CCDC142: variants seen among roughly 807,000 people sequenced by gnomAD.
CCDC142 encodes coiled-coil domain containing 142.
Under a neutral mutation model 83.8 loss-of-function variants are expected in CCDC142, and 67 were observed. That is an observed-to-expected ratio of 0.80 (90% CI 0.66 to 0.98). CCDC142 has a LOEUF of 0.98. CCDC142 is among the 50% of genes least tolerant of loss of function. The pLI is 0.00. For synonymous variants in CCDC142, 421 were observed against 421.2 expected, an observed-to-expected ratio of 1.00 and a Z score of 0.01; for missense variants, 905 against 946.8, an observed-to-expected ratio of 0.96 and a Z score of 0.58.
At position 74,474,709 on chromosome 2, in the gene CCDC142, G is replaced by A. The variant is rs116238920; in HGVS notation, c.2090C>T (p.Pro697Leu). Reference protein sequence around the residue: ...LEPPLQPGTSPAQTGQLQSTL... With the variant: ...LEPPLQPGTSLAQTGQLQSTL... The stretch of plus-strand genomic sequence containing the variant: ...GCTTTGCAGCTGACCTGTCTGGGCT[G>A]GAGATGTTCCAGGCTGGAGCGGGGG... Residue 697 changes from proline (P) to leucine (L), a missense_variant, in exon 9 of 9, where the codon CCA becomes CTA. Physicochemically the swap from Pro to Leu is moderately conservative, Grantham distance 98 (BLOSUM62 -3). This residue lies in a region of CCDC142 where 265 missense variants were observed against 288.9 expected (regional missense o/e 0.92). Coordinates refer to ENST00000393965, the MANE Select transcript of CCDC142 (RefSeq NM_001365575.2). 26,685 of 1,614,176 alleles carry A rather than the reference G, an allele frequency of 0.017. 299 individuals are homozygous for A. The highest frequency in any genetic ancestry group is 0.018 in the Non-Finnish European group (21,732 of 1,180,008).
Position 74,480,855 on chromosome 2 carries a change from A to G in CCDC142, c.1417T>C (p.Tyr473His). Reference sequence around the variant, plus strand: ...AAGCTTTCCTCTGAGGCCAGGCTATACAAAGCTTCTGCCTCATGCAACAGA... The same window carrying G: ...AAGCTTTCCTCTGAGGCCAGGCTATGCAAAGCTTCTGCCTCATGCAACAGA... ...PPLLHEAEAL[Y>H]SLASEESLAL... Residue 473 changes from tyrosine to histidine, a missense_variant, in exon 5 of 9, where the codon TAT (tyrosine) becomes CAT (histidine). Coordinates refer to ENST00000393965, the MANE Select transcript of CCDC142 (RefSeq NM_001365575.2). 1 of 1,613,992 alleles carries G rather than the reference A, an allele frequency of 6.2e-7. No individual in the cohort carries two copies. Among genetic ancestry groups the G allele is most frequent in the South Asian group, 1.1e-5 (1 of 91,076 alleles).
intron 5 of CCDC142, among the ~76,000 whole-genome samples, chr2:74,479,620 C>G (rs1234286692): frequency 6.6e-6 from 1 of 152,182 alleles, no homozygotes; most frequent in Non-Finnish European, 1.5e-5. Flanking sequence ...GACAGGGTCT[C>G]TCACTGTATT....
Position 74,482,951 on chromosome 2 carries a change from C to A in CCDC142, c.-114G>T, listed in dbSNP as rs1672592516. 10 of 1,555,260 alleles carry A rather than the reference C, an allele frequency of 6.4e-6. No individual in the cohort carries two copies. In the South Asian group the frequency reaches 9.2e-5, roughly 14 times the overall value. On this transcript the variant is annotated 5_prime_UTR_variant, in exon 1 of 9. Transcript: ENST00000393965. The surrounding 1 kb of genome is among the most constrained non-coding windows in gnomAD (Gnocchi z 5.0). ...GAGCCGTTTTCTCCAGTCCGGGAGT[C>A]GCGGGGACCTTCATGGACTCTCTCG...
In CCDC142 at chr2:74,474,583, G is replaced by A. The variant is rs147784697; in HGVS notation, c.2216C>T (p.Pro739Leu). 18 of 1,613,860 alleles carry A rather than the reference G, an allele frequency of 1.1e-5. No individual in the cohort carries two copies. The African/African-American group carries it at 1.9e-4, about 17-fold the overall frequency. Residue 739 changes from proline to leucine, a missense_variant, in exon 9 of 9, where the codon CCG becomes CTG. Physicochemically the swap from Pro to Leu is moderately conservative, Grantham distance 98. Transcript: ENST00000393965. ...ACTGGTTCCCAGGCAGGAAAAAAACGGCAGGTGCCAACGGGGTCGCTGGTG... is the reference window on the plus strand; with the variant it reads ...ACTGGTTCCCAGGCAGGAAAAAAACAGCAGGTGCCAACGGGGTCGCTGGTG... ...RQHQRPRWHL[P>L]FFSCLGTSPE...
intron 5 of CCDC142, 67 bp downstream of exon 5, chr2:74,480,702 C>G (rs889586999): frequency 2.7e-6 from 3 of 1,096,726 alleles, no homozygotes; most frequent in Non-Finnish European, 4.1e-6. Context: ...TTCTACTCTT[C>G]CCACCCCCGA....
At position 74,482,429 on chromosome 2, in the gene CCDC142, A is replaced by G; in HGVS notation, c.409T>C (p.Leu137=). ...PGSPSGGPSP[L]PQWCRDLQLH... ...TGCAGGTCGCGGCACCACTGGGGCA[A>G]GGGGCTAGGGCCGCCGGATGGCGAG... The change falls in exon 1 of 9, where the codon TTG becomes CTG. Residue 137 remains leucine (L), a synonymous_variant. Transcript: ENST00000393965. The surrounding 1 kb of genome is among the most constrained non-coding windows in gnomAD (Gnocchi z 5.0). The G allele has an allele frequency of 6.4e-7, 1 of 1,557,296 alleles. No homozygotes were observed. Among genetic ancestry groups the G allele is most frequent in the Non-Finnish European group, 8.7e-7 (1 of 1,150,642 alleles).
At chr2:74,478,375 G>T (rs1672374280) in intron 5 of CCDC142, among the ~76,000 whole-genome samples, 1 of 149,070 alleles carries the variant, frequency 6.7e-6, no homozygotes. Context: ...AAATTTTTTT[G>T]TTTTCTGTTT....
intron 7 of CCDC142, 33 bp from the exon 8 acceptor site, chr2:74,475,148 C>G: frequency 6.2e-7 from 1 of 1,611,086 alleles, no homozygotes; most frequent in Non-Finnish European, 8.5e-7. Context: ...GCCACTTGAC[C>G]CTCCTGCCTC....
intron 8 of CCDC142, 21 bp downstream of exon 8, chr2:74,474,895 G>T: frequency 6.3e-7 from 1 of 1,581,558 alleles, no homozygotes; most frequent in South Asian, 1.2e-5. Context: ...ACAAAGCAGT[G>T]AGCGAAGGGG....
rs1216760066 is a variant in CCDC142, at chr2:74,473,732, C to T, written c.*814G>A. ...TTCCAGGCTATGGTCTTGCTCTTTA[C>T]TCTGGATTCCAGGTGCTGGAGTGAT... On this transcript the variant is annotated 3_prime_UTR_variant, in exon 9 of 9. Coordinates refer to ENST00000393965, the MANE Select transcript of CCDC142 (RefSeq NM_001365575.2). 6.8e-6 allele frequency: 1 copy of T among 146,872 alleles called. No homozygotes were observed. The highest frequency in any genetic ancestry group is 1.5e-5 in the Non-Finnish European group (1 of 67,298). 9.1% of individuals were successfully genotyped at this position (146,872 alleles called of 1,614,324 possible).
chr2:74,478,775 C>A (rs576866006), intron 5 of CCDC142, among the ~76,000 whole-genome samples: 1 of 151,266 alleles, frequency 6.6e-6, no homozygotes, highest in Non-Finnish European at 1.5e-5. Flanking sequence ...ACCTATAATC[C>A]CAGCACTTTG....
intron 5 of CCDC142, among the ~76,000 whole-genome samples, chr2:74,478,567 G>A (rs1236716339): frequency 6.6e-6 from 1 of 151,600 alleles, no homozygotes; most frequent in Non-Finnish European, 1.5e-5. Context: ...AGTAGAGACG[G>A]GGTTTCACCA....
chr2:74,474,540 G>A lies in CCDC142; in HGVS notation c.*6C>T, dbSNP rs1365894690. On this transcript the variant is annotated 3_prime_UTR_variant, in exon 9 of 9. Transcript: ENST00000393965. ...CTTAACTTTCTGGCTCCTGGTCCCA[G>A]GCTCCTTAGGATTCAGGACTGGTTC... 2.5e-6 allele frequency: 4 copies of A among 1,586,226 alleles called. No homozygotes were observed. The highest frequency in any genetic ancestry group is 2.6e-6 in the Non-Finnish European group (3 of 1,167,816).
chr2:74,481,423 T>A, intron 2 of CCDC142, 29 bp downstream of exon 2: 1 of 1,614,098 alleles, frequency 6.2e-7, no homozygotes, highest in Non-Finnish European at 8.5e-7. Flanking sequence ...CTGGGACTTA[T>A]GTCACCCCCA....
rs759105171 is a variant in CCDC142, at chr2:74,482,427, C to G, written c.411G>C (p.Leu137Phe). The G allele has an allele frequency of 6.4e-6, 10 of 1,557,874 alleles. No homozygotes were observed. The highest frequency in any genetic ancestry group is 3.3e-4 in the Middle Eastern group (2 of 6,004). ...GCTGCAGGTCGCGGCACCACTGGGG[C>G]AAGGGGCTAGGGCCGCCGGATGGCG... ...PGSPSGGPSP[L>F]PQWCRDLQLH... Residue 137 changes from leucine to phenylalanine, a missense_variant, in exon 1 of 9, where the codon TTG becomes TTC. Physicochemically the swap from Leu to Phe is conservative, Grantham distance 22 (BLOSUM62 0). Transcript: ENST00000393965. The surrounding 1 kb of genome is among the most constrained non-coding windows in gnomAD (Gnocchi z 5.0).
In CCDC142 at chr2:74,481,914, C is replaced by T; in HGVS notation, c.924G>A (p.Leu308=). The T allele has an allele frequency of 6.2e-7, 1 of 1,614,174 alleles. No individual in the cohort carries two copies. The highest frequency in any genetic ancestry group is 8.5e-7 in the Non-Finnish European group (1 of 1,180,028). Reference sequence around the variant, plus strand: ...GACTCTGAGCACAGGCTGCCCACAGCAGGGTCCAGTATTGGCTCCACAAGG... The same window carrying T: ...GACTCTGAGCACAGGCTGCCCACAGTAGGGTCCAGTATTGGCTCCACAAGG... ...AGALWSQYWT[L]LWAACAQSLD... Residue 308 remains leucine, a synonymous_variant, in exon 1 of 9, where the codon CTG becomes CTA. Transcript: ENST00000393965.
Position 74,482,883 on chromosome 2 carries a change from A to G in CCDC142, c.-46T>C. On this transcript the variant is annotated 5_prime_UTR_variant, in exon 1 of 9. Transcript: ENST00000393965. The surrounding 1 kb of genome is among the most constrained non-coding windows in gnomAD (Gnocchi z 5.0). The stretch of plus-strand genomic sequence containing the variant: ...AACCTAACGATTCCCACTTCCCTGC[A>G]CGGACCAACGCCCGCCGCAGCTCGG... The G allele has an allele frequency of 6.4e-7, 1 of 1,574,224 alleles. No individual in the cohort carries two copies.
In CCDC142 at chr2:74,482,586, G is replaced by A; in HGVS notation, c.252C>T (p.Ile84=). 6.2e-7 allele frequency: 1 copy of A among 1,604,466 alleles called. No individual in the cohort carries two copies. The highest frequency in any genetic ancestry group is 2.2e-5 in the East Asian group (1 of 44,664). The change falls in exon 1 of 9, where the codon ATC becomes ATT. Residue 84 remains isoleucine (I), a synonymous_variant. Coordinates refer to ENST00000393965, the MANE Select transcript of CCDC142 (RefSeq NM_001365575.2). This position sits in a 1 kb window ranked among gnomAD's most constrained non-coding sequence, Gnocchi z 5.0. ...CCCGGAGACGCTGCAGCGCGGGAGG[G>A]ATCGGGCCGCCACCTGCGGGCCCCC... ...WRRGPAGGGP[I]PPALQRLRAV...
rs1194693705 is a variant in CCDC142 at position 74,477,998 on chromosome 2, AT to A, written c.1504-2273del. Among the ~76,000 whole-genome samples, 149 of 141,172 alleles carry A rather than the reference AT, an allele frequency of 1.1e-3. 1 individual carries two copies. The highest frequency in any genetic ancestry group is 1.8e-3 in the Admixed American group (25 of 13,756). The allele number at this position is 141,172 out of a possible 152,430, so 92.6% of individuals were successfully genotyped here. ...AGCCAAACTTCTAATTAAAAAAAAA[AT>A]ATATATATATATAAATAGATATAAT... On this transcript the variant is annotated intron_variant, in intron 5 of 8. Transcript: ENST00000393965.
Sources: allele counts gnomAD v4.1 joint callset (sites outside exome capture counted in the v4.1 genomes callset), GRCh38; gene constraint gnomAD v4.1.1; regional missense constraint gnomAD v4.1.1; non-coding constraint Gnocchi (gnomAD v3.1); transcripts MANE v1.5; gene names NCBI Gene and HGNC (gene_info 2026-07-23, HGNC 2026-07-21).